The following ESCO1 variants were observed in gnomAD, a reference collection of about 807,000 sequenced individuals.
ESCO1 encodes establishment of sister chromatid cohesion N-acetyltransferase 1.
In ESCO1, 33 loss-of-function variants were observed where a neutral mutation model predicts 83.5. The observed-to-expected ratio is 0.40, with a 90% CI of 0.30 to 0.53. The LOEUF (loss-of-function observed/expected upper bound fraction) is 0.53. ESCO1 is among the 20% of genes least tolerant of loss of function. The probability of loss-of-function intolerance (pLI) is 0.63; values close to 1 mark genes in which losing one functional copy is unlikely to be tolerated. For synonymous variants in ESCO1, 332 were observed against 324.3 expected (o/e 1.02, Z -0.25); for missense variants, 855 against 968.0 (o/e 0.88, Z 1.55).
In ESCO1 at chr18:21,568,146, T is replaced by C. The variant is rs376713523; in HGVS notation, c.1531-52A>G. The C allele has an allele frequency of 8.1e-6, 11 of 1,351,850 alleles. No homozygotes were observed. The African/African-American group carries it at 1.5e-4, about 18-fold the overall frequency. The allele number at this position is 1,351,850 out of a possible 1,614,324, so 83.7% of individuals were successfully genotyped here. A position where few individuals can be genotyped will look rare whatever the true frequency, so the allele number is the denominator to read the frequency against. ...ACATCAACTTTGGGTTTTATCTAAA[T>C]AAACTTTCAGTAAATTTTAGCATAC... On this transcript the variant is annotated intron_variant, in intron 4 of 11. Coordinates refer to ENST00000269214, the MANE Select transcript of ESCO1 (RefSeq NM_052911.3).
chr18:21,536,313 G>T (rs1043858741), intron 9 of ESCO1, 128 bp from the exon 10 acceptor site: 2 of 1,081,192 alleles, frequency 1.8e-6, no homozygotes, highest in Non-Finnish European at 2.6e-6. Context: ...TTTTGGGCTG[G>T]GTGTGGTGGT....
chr18:21,592,064 C>A (rs1197319943), intron 1 of ESCO1, among the ~76,000 whole-genome samples: 1 of 151,700 alleles, frequency 6.6e-6, no homozygotes, highest in Non-Finnish European at 1.5e-5. Context: ...TCTCCCATGT[C>A]TACTTCTTTC....
At chr18:21,568,763 C>A (rs1037333717) in intron 4 of ESCO1, among the ~76,000 whole-genome samples, 1 of 151,924 alleles carries the variant, frequency 6.6e-6, no homozygotes, top group Non-Finnish European at 1.5e-5. Context: ...ATTAGCTGGG[C>A]GTGATGGCAA....
chr18:21,568,505 A>G (rs2038293974), intron 4 of ESCO1, among the ~76,000 whole-genome samples: 1 of 152,234 alleles, frequency 6.6e-6, no homozygotes. Context: ...TGTCTAGACT[A>G]TAATGTCCAA....
chr18:21,551,653 T>C (rs1286583067), intron 8 of ESCO1, among the ~76,000 whole-genome samples: 1 of 152,194 alleles, frequency 6.6e-6, no homozygotes, highest in Non-Finnish European at 1.5e-5. Flanking sequence ...TGGCCTGACA[T>C]GGCAGTCTGA....
rs1226823708 is a variant in ESCO1 at position 21,529,495 on chromosome 18, G to C, written c.*848C>G. 6.6e-6 allele frequency: 1 copy of C among 152,174 alleles called. No individual in the cohort carries two copies. The highest frequency in any genetic ancestry group is 1.5e-5 in the Non-Finnish European group (1 of 68,028). The allele number at this position is 152,174 out of a possible 1,614,324, so 9.4% of individuals were successfully genotyped here. A position where few individuals can be genotyped will look rare whatever the true frequency, so the allele number is the denominator to read the frequency against. Reference sequence around the variant, plus strand: ...AGTATTTCTGAGGAATAACAAAGCAGATACCGAGTCATCCATACTTTGCTT... The same window carrying C: ...AGTATTTCTGAGGAATAACAAAGCACATACCGAGTCATCCATACTTTGCTT... On this transcript the variant is annotated 3_prime_UTR_variant, in exon 12 of 12. Coordinates refer to ENST00000269214, the MANE Select transcript of ESCO1 (RefSeq NM_052911.3).
At chr18:21,534,752 C>T (rs11083190) in intron 10 of ESCO1, among the ~76,000 whole-genome samples, 22,479 of 151,552 alleles carry the variant, frequency 0.15, 1,896 homozygotes, top group Middle Eastern at 0.27. Context: ...CTCAGCCTCA[C>T]GAGTAACTGG....
intron 8 of ESCO1, among the ~76,000 whole-genome samples, chr18:21,546,222 C>T (rs960745741): frequency 1.3e-5 from 2 of 152,038 alleles, no homozygotes; most frequent in African/African-American, 4.8e-5. Flanking sequence ...ATTACTTAAC[C>T]TCTCTAAAAC....
chr18:21,596,988 C>G (rs528505923), intron 1 of ESCO1: 1 of 152,288 alleles, frequency 6.6e-6, no homozygotes, highest in South Asian at 2.1e-4. Context: ...GATATGGGGA[C>G]TCTCAGGATT....
rs922832336 is a variant in ESCO1 at position 21,592,648 on chromosome 18, G to A, written c.-825+7975C>T. Among the ~76,000 whole-genome samples the A allele has an allele frequency of 2.7e-5, 4 of 150,542 alleles. 1 individual carries two copies. The highest frequency in any genetic ancestry group is 4.2e-4 in the South Asian group (2 of 4,782). On this transcript the variant is annotated intron_variant, in intron 1 of 11. Transcript: ENST00000269214. ...CCGGACGGGGCGGCTGGCCTGGCGC[G>A]GGCTGACCCCCACCTCCCTCCCGGA...
chr18:21,560,670 T>A (rs1434926039), intron 8 of ESCO1, among the ~76,000 whole-genome samples, 189 bp downstream of exon 8: 1 of 152,188 alleles, frequency 6.6e-6, no homozygotes. Context: ...CCAGTCAGAA[T>A]AAATTAGCTG....
intron 1 of ESCO1, among the ~76,000 whole-genome samples, chr18:21,599,919 T>C (rs150054935): frequency 1.3e-5 from 2 of 152,346 alleles, no homozygotes; most frequent in African/African-American, 4.8e-5. Flanking sequence ...CAATTCTCTT[T>C]GGTTCGCCTC....
intron 4 of ESCO1, among the ~76,000 whole-genome samples, chr18:21,569,828 C>T (rs144059964): frequency 0.012 from 1,861 of 152,116 alleles, 57 homozygotes; most frequent in African/African-American, 0.043. Flanking sequence ...TCCAGCCTGG[C>T]GACAGAGCAA....
chr18:21,532,786 C>T, intron 10 of ESCO1, 126 bp from the exon 11 acceptor site: 4 of 804,938 alleles, frequency 5.0e-6, no homozygotes, highest in Non-Finnish European at 7.5e-6. Context: ...TATGCTTTCA[C>T]TCTCATTTTT....
chr18:21,589,238 C>CA (rs1167027796), intron 1 of ESCO1, among the ~76,000 whole-genome samples: 2,277 of 116,374 alleles, frequency 0.02, 40 homozygotes, highest in African/African-American at 0.05. Flanking sequence ...GACTCCGTCT[C>CA]AAAAAAAAAA....
chr18:21,556,699 CTCT>C (rs2038116771), intron 8 of ESCO1, among the ~76,000 whole-genome samples: 1 of 151,940 alleles, frequency 6.6e-6, no homozygotes, highest in Admixed American at 6.6e-5. Context: ...GATCTGTCAA[CTCT>C]TTTTTTTTTT....
At chr18:21,594,939 G>A (rs1288022264) in intron 1 of ESCO1, among the ~76,000 whole-genome samples, 2 of 149,420 alleles carry the variant, frequency 1.3e-5, no homozygotes, top group East Asian at 3.9e-4. Context: ...GTGTGTGTGT[G>A]TGTGTGTGTG....
intron 4 of ESCO1, among the ~76,000 whole-genome samples, 175 bp downstream of exon 4, chr18:21,573,139 C>A (rs1472851656): frequency 6.6e-6 from 1 of 152,166 alleles, no homozygotes; most frequent in Non-Finnish European, 1.5e-5. Context: ...AAATGTGAGA[C>A]ATCTGAAGTT....
chr18:21,592,688 G>C (rs1165861756), intron 1 of ESCO1, among the ~76,000 whole-genome samples: 1 of 151,688 alleles, frequency 6.6e-6, no homozygotes, highest in Non-Finnish European at 1.5e-5. Flanking sequence ...GCAGCTGCCG[G>C]GCGGAGACGC....
Sources: gnomAD v4.1 joint callset for allele counts (sites outside exome capture counted in the v4.1 genomes callset) on GRCh38, gnomAD v4.1.1 for gene constraint, MANE v1.5 for transcripts, NCBI Gene and HGNC (gene_info 2026-07-23, HGNC 2026-07-21) for gene names.